LDB1: variants seen among roughly 807,000 people sequenced by gnomAD.
LDB1 encodes LIM domain-binding protein 1.
A neutral mutation model predicts 49.7 loss-of-function variants in LDB1; 6 were observed. The observed-to-expected ratio is 0.12, with a 90% CI of 0.07 to 0.24. LDB1 has a LOEUF of 0.24. Ranked by LOEUF, LDB1 falls within the 10% of genes least tolerant of loss-of-function variation. The probability of loss-of-function intolerance (pLI) is 1.00; values close to 1 mark genes in which losing one functional copy is unlikely to be tolerated. For missense variants in LDB1, 341 were observed against 561.7 expected (o/e 0.61, Z 3.97); for synonymous variants, 233 against 202.0 (o/e 1.15, Z -1.30).
rs560112291 is a variant in LDB1 at position 102,113,052 on chromosome 10, G to T, written c.26-1516C>A. On this transcript the variant is annotated intron_variant, in intron 1 of 10. Coordinates refer to ENST00000673968, the MANE Select transcript of LDB1 (RefSeq NM_001113407.3). Reference sequence around the variant, plus strand: ...GGTCCCTAAAACTCGACTGCATTTGGAAGGGTAGCTAGATTGGCTGTATCT... The same window carrying T: ...GGTCCCTAAAACTCGACTGCATTTGTAAGGGTAGCTAGATTGGCTGTATCT... 6.8e-4 allele frequency among the ~76,000 whole-genome samples: 104 copies of T among 152,270 alleles called. No homozygotes were observed. In the South Asian group the frequency reaches 0.017, roughly 24 times the overall value.
intron 10 of LDB1, 49 bp from the exon 11 acceptor site, chr10:102,108,372 G>A (rs370589446): frequency 2.0e-5 from 29 of 1,471,726 alleles, no homozygotes; most frequent in East Asian, 4.7e-5. Flanking sequence ...GGGCTCGCCC[G>A]GCCCAGGGCG....
chr10:102,114,309 G>T (rs949077186), intron 1 of LDB1: 1 of 984,954 alleles, frequency 1.0e-6, no homozygotes, highest in Non-Finnish European at 1.2e-6. Flanking sequence ...GGCGGCTCTG[G>T]GCTGGGGCAC....
intron 10 of LDB1, 81 bp downstream of exon 10, chr10:102,108,948 G>T: frequency 6.4e-7 from 1 of 1,570,148 alleles, no homozygotes; most frequent in Non-Finnish European, 8.8e-7. Flanking sequence ...TTCTACGCCT[G>T]CTAGTGAGCT....
rs750014499 is a variant in LDB1, at chr10:102,109,218, G to A, written c.857-41C>T. 1 of 1,612,002 alleles carries A rather than the reference G, an allele frequency of 6.2e-7. No individual in the cohort carries two copies. Among genetic ancestry groups the A allele is most frequent in the East Asian group, 2.2e-5 (1 of 44,884 alleles). On this transcript the variant is annotated intron_variant, in intron 9 of 10. Transcript: ENST00000673968. This position sits in a 1 kb window ranked among gnomAD's most constrained non-coding sequence, Gnocchi z 5.8. ...GAGACTCAGATGGGAGAGGGCCCCA[G>A]GTCCCCTATTCTCCATTGTGGCTCC...
chr10:102,120,610 G>A (rs2068407554), upstream of LDB1, among the ~76,000 whole-genome samples: 1 of 151,610 alleles, frequency 6.6e-6, no homozygotes, highest in African/African-American at 2.4e-5. Context: ...TGCGCCGCGC[G>A]GCGGGCGGGC....
rs1250905570 is a variant in LDB1, at chr10:102,107,271, C to G, written c.*822G>C. Among the ~76,000 whole-genome samples, 1 of 151,982 alleles carries G rather than the reference C, an allele frequency of 6.6e-6. No individual in the cohort carries two copies. Among genetic ancestry groups the G allele is most frequent in the Admixed American group, 6.5e-5 (1 of 15,272 alleles). On this transcript the variant is annotated 3_prime_UTR_variant, in exon 11 of 11. Coordinates refer to ENST00000673968, the MANE Select transcript of LDB1 (RefSeq NM_001113407.3). ...AGTCACAAGCACTAGGAGGGCAGGC[C>G]AGAGTCCAGAGAATGGGGACACAGA...
At chr10:102,110,075 T>C (rs748956732) in intron 6 of LDB1, 32 bp from the exon 7 acceptor site, 1 of 1,600,636 alleles carries the variant, frequency 6.2e-7, no homozygotes, top group Non-Finnish European at 8.5e-7. Context: ...CCCTGCCCCC[T>C]CCCCACATAC....
chr10:102,109,436 G>C lies in LDB1; in HGVS notation c.804C>G (p.Asp268Glu), dbSNP rs796461509. 1.9e-6 allele frequency: 3 copies of C among 1,614,230 alleles called. No homozygotes were observed. The African/African-American group carries it at 4.0e-5, about 22-fold the overall frequency. Residue 268 changes from aspartate to glutamate, a missense_variant, in exon 9 of 11, where the codon GAC (aspartate) becomes GAG (glutamate). Transcript: ENST00000673968. The surrounding 1 kb of genome is among the most constrained non-coding windows in gnomAD (Gnocchi z 5.8). ...RHKTYSLSPR[D>E]CLKTCLFQKW... ...TCTGGAAAAGGCAGGTCTTGAGGCAGTCGCGGGGGCTGAGGCTGTAGGTCT... is the reference window on the plus strand; with the variant it reads ...TCTGGAAAAGGCAGGTCTTGAGGCACTCGCGGGGGCTGAGGCTGTAGGTCT...
At chr10:102,110,157 C>T (rs2068231093) in intron 6 of LDB1, 114 bp from the exon 7 acceptor site, 2 of 1,193,866 alleles carry the variant, frequency 1.7e-6, no homozygotes, top group Admixed American at 2.3e-5. Flanking sequence ...CTTTTGTCAC[C>T]TGCACATTAA....
At chr10:102,110,829 A>C (rs774729229) in intron 5 of LDB1, 40 bp downstream of exon 5, 1 of 1,587,816 alleles carries the variant, frequency 6.3e-7, no homozygotes. Context: ...ACGACATAGG[A>C]GGTATACACC....
downstream of LDB1, among the ~76,000 whole-genome samples, chr10:102,105,467 A>G (rs1021884921): frequency 2.0e-5 from 3 of 152,068 alleles, no homozygotes; most frequent in Admixed American, 1.3e-4. Context: ...GGGAGAACTT[A>G]GGAGGGGAAC....
At chr10:102,115,762 T>C (rs1590288820) in intron 1 of LDB1, among the ~76,000 whole-genome samples, 1 of 152,178 alleles carries the variant, frequency 6.6e-6, no homozygotes, top group Admixed American at 6.5e-5. Flanking sequence ...GGATAGGACC[T>C]GTTCTCCCAT....
At chr10:102,102,304 A>C (rs570638947), downstream of LDB1, among the ~76,000 whole-genome samples, 1 of 152,320 alleles carries the variant, frequency 6.6e-6, no homozygotes, top group Admixed American at 6.5e-5. Context: ...GGTTATGATT[A>C]ATCTAGTTCT....
chr10:102,110,565 G>A lies in LDB1; in HGVS notation c.489C>T (p.Ser163=). 1 of 1,613,888 alleles carries A rather than the reference G, an allele frequency of 6.2e-7. No individual in the cohort carries two copies. The highest frequency in any genetic ancestry group is 1.7e-4 in the Middle Eastern group (1 of 6,060). The change falls in exon 6 of 11, where the codon AGC becomes AGT. Residue 163 remains serine, a synonymous_variant. Transcript: ENST00000673968. The stretch of plus-strand genomic sequence containing the variant: ...TGGGCTTGCCATGCTGGGTCACCAT[G>A]CTGCCCTGGTCACAGTCGAGGGACA... ...NFVSLDCDQG[S]MVTQHGKPMF...
Position 102,120,233 on chromosome 10 carries a change from C to T in LDB1, c.-123G>A, listed in dbSNP as rs1423793298. The T allele has an allele frequency of 3.1e-6, 3 of 983,420 alleles. No individual in the cohort carries two copies. The highest frequency in any genetic ancestry group is 2.3e-4 in the East Asian group (2 of 8,772). 60.9% of individuals were successfully genotyped at this position (983,420 alleles called of 1,614,324 possible). A position where few individuals can be genotyped will look rare whatever the true frequency, so the allele number is the denominator to read the frequency against. On this transcript the variant is annotated 5_prime_UTR_variant, in exon 1 of 11. Transcript: ENST00000673968. ...CGCTGCGCTCGCCGCCGGCCCGGCCCGGCCTCGGCCCGGTGCGGGCGGCCC... is the reference window on the plus strand; with the variant it reads ...CGCTGCGCTCGCCGCCGGCCCGGCCTGGCCTCGGCCCGGTGCGGGCGGCCC...
At chr10:102,119,656 G>T (rs964564963) in intron 1 of LDB1, among the ~76,000 whole-genome samples, 7 of 150,936 alleles carry the variant, frequency 4.6e-5, no homozygotes, top group Non-Finnish European at 8.9e-5. Flanking sequence ...AAACAGCATG[G>T]GGGGGATGTC....
chr10:102,110,069 G>T, intron 6 of LDB1, 26 bp from the exon 7 acceptor site: 1 of 1,604,454 alleles, frequency 6.2e-7, no homozygotes. Flanking sequence ...TCAGAACCCT[G>T]CCCCCTCCCC....
rs772506961 is a variant in LDB1, at chr10:102,109,907, T to C, written c.648+14A>G. ...GCCTTCACTCTTGCATCCTGGGTCCTGCCCACGACTCACATGCATGGCAAG... is the reference window on the plus strand; with the variant it reads ...GCCTTCACTCTTGCATCCTGGGTCCCGCCCACGACTCACATGCATGGCAAG... On this transcript the variant is annotated intron_variant, in intron 7 of 10. Transcript: ENST00000673968. The surrounding 1 kb of genome is among the most constrained non-coding windows in gnomAD (Gnocchi z 5.8). 1.2e-6 allele frequency: 2 copies of C among 1,605,866 alleles called. No individual in the cohort carries two copies. Among genetic ancestry groups the C allele is most frequent in the Admixed American group, 1.7e-5 (1 of 59,750 alleles).
rs780482579 is a variant in LDB1 at position 102,111,536 on chromosome 10, C to T, written c.26G>A (p.Gly9Asp). 1 of 1,518,736 alleles carries T rather than the reference C, an allele frequency of 6.6e-7. No homozygotes were observed. Among genetic ancestry groups the T allele is most frequent in the Non-Finnish European group, 8.8e-7 (1 of 1,133,424 alleles). 94.1% of individuals were successfully genotyped at this position (1,518,736 alleles called of 1,614,324 possible). Reference protein sequence around the residue: MSVGCACPGCSSKSFKLYS... With the variant: MSVGCACPDCSSKSFKLYS... ...CAGCTTGAATGACTTTGAGGAACAA[C>T]CTAGACGAGAAAGAAAGGAGTCATA... The change falls in exon 2 of 11, where the codon GGT becomes GAT. Residue 9 changes from glycine to aspartate, a missense_variant and splice_region_variant. By Grantham distance (94) the Gly-to-Asp change is moderately conservative. Around this residue, in one of 5 missense-constraint regions of LDB1, gnomAD observed 7 missense variants for 24.9 expected, o/e 0.28. Transcript: ENST00000673968.
Sources: gnomAD v4.1 joint callset for allele counts (sites outside exome capture counted in the v4.1 genomes callset) on GRCh38, gnomAD v4.1.1 for gene constraint, gnomAD v4.1.1 regional missense constraint, Gnocchi (gnomAD v3.1) non-coding constraint, MANE v1.5 for transcripts, NCBI Gene and HGNC (gene_info 2026-07-23, HGNC 2026-07-21) for gene names.